KIF2C: variants seen among roughly 807,000 people sequenced by gnomAD.
The protein encoded by KIF2C is kinesin-like protein KIF2C.
In KIF2C, 34 loss-of-function variants were observed where a neutral mutation model predicts 97.4. The observed-to-expected ratio is 0.35, with a 90% CI of 0.27 to 0.46. KIF2C has a LOEUF of 0.46. Ranked by LOEUF, KIF2C falls within the 20% of genes least tolerant of loss-of-function variation. The pLI, the probability that KIF2C is intolerant of heterozygous loss-of-function variation, is 1.00. For synonymous variants in KIF2C, 313 were observed against 318.2 expected, an observed-to-expected ratio of 0.98 and a Z score of 0.17; for missense variants, 750 against 907.6, an observed-to-expected ratio of 0.83 and a Z score of 2.23.
chr1:44,765,337 A>G (rs1472494999), intron 19 of KIF2C, among the ~76,000 whole-genome samples: 3 of 152,216 alleles, frequency 2.0e-5, no homozygotes, highest in Non-Finnish European at 4.4e-5. Context: ...TAGGGATAGC[A>G]TTAGGAGATA....
At chr1:44,758,640 C>T (rs373008946) in intron 13 of KIF2C, among the ~76,000 whole-genome samples, 1 of 151,954 alleles carries the variant, frequency 6.6e-6, no homozygotes, top group Admixed American at 6.6e-5. Flanking sequence ...TTTGGGAGGC[C>T]GAGGCGGGCA....
chr1:44,760,404 C>G lies in KIF2C; in HGVS notation c.1492C>G (p.Arg498Gly), dbSNP rs1650076550. The change falls in exon 15 of 21, where the codon CGA becomes GGA. Residue 498 changes from arginine to glycine, a missense_variant. Coordinates refer to ENST00000372224, the MANE Select transcript of KIF2C (RefSeq NM_006845.4). The surrounding 1 kb of genome is among the most constrained non-coding windows in gnomAD (Gnocchi z 4.2). ...FSLVDLAGNE[R>G]GADTSSADRQ... is the part of the protein sequence containing the mutation. ...TTTGGTAGATCTGGCAGGGAATGAG[C>G]GAGGCGCGGACACTTCCAGTGCTGA... 1.4e-5 allele frequency: 22 copies of G among 1,614,076 alleles called. No homozygotes were observed. Among genetic ancestry groups the G allele is most frequent in the Non-Finnish European group, 1.8e-5 (21 of 1,180,036 alleles).
intron 5 of KIF2C, among the ~76,000 whole-genome samples, chr1:44,752,036 G>A (rs1557593701): frequency 6.7e-6 from 1 of 150,368 alleles, no homozygotes; most frequent in Admixed American, 6.6e-5. Flanking sequence ...TGGCCAGGCT[G>A]ATCTCAAACT....
intron 10 of KIF2C, among the ~76,000 whole-genome samples, chr1:44,757,072 C>T (rs995775736): frequency 4.6e-5 from 7 of 151,870 alleles, no homozygotes; most frequent in African/African-American, 1.7e-4. Flanking sequence ...CACGTGCCAC[C>T]ACACCTGGCT....
At chr1:44,765,199 A>G (rs1455839697) in intron 19 of KIF2C, among the ~76,000 whole-genome samples, 1 of 152,144 alleles carries the variant, frequency 6.6e-6, no homozygotes, top group Non-Finnish European at 1.5e-5. Context: ...CAAGGAAGGA[A>G]GATCACTTGA....
In KIF2C at chr1:44,748,826, C is replaced by T. The variant is rs535213077; in HGVS notation, c.316+1126C>T. The stretch of plus-strand genomic sequence containing the variant: ...CCTCCTAAAGTGCTAGGATTGCAGG[C>T]GCGAGCCACCATGCCCAGCCAATAG... On this transcript the variant is annotated intron_variant, in intron 4 of 20. Transcript: ENST00000372224. Among the ~76,000 whole-genome samples, 32 of 150,644 alleles carry T rather than the reference C, an allele frequency of 2.1e-4. No homozygotes were observed. In the South Asian group the frequency reaches 3.6e-3, roughly 17 times the overall value.
At position 44,760,705 on chromosome 1, in the gene KIF2C, G is replaced by A. The variant is rs1392348966; in HGVS notation, c.1683+3G>A. 1.2e-6 allele frequency: 2 copies of A among 1,607,708 alleles called. No homozygotes were observed. Among genetic ancestry groups the A allele is most frequent in the South Asian group, 2.2e-5 (2 of 90,900 alleles). ...GGGAGAACTCTAGGACTTGCATGGT[G>A]AGTAGGGTCACTTTGAAGGTGATGG... is the stretch of plus-strand genomic sequence containing the variant. On this transcript the variant is annotated splice_donor_region_variant and intron_variant, in intron 16 of 20. Transcript: ENST00000372224. This position sits in a 1 kb window ranked among gnomAD's most constrained non-coding sequence, Gnocchi z 4.2.
intron 4 of KIF2C, among the ~76,000 whole-genome samples, chr1:44,748,432 T>C (rs1649333916): frequency 6.6e-6 from 1 of 152,176 alleles, no homozygotes; most frequent in Non-Finnish European, 1.5e-5. Context: ...CTGACTATTG[T>C]GGTGCTGGCC....
intron 19 of KIF2C, among the ~76,000 whole-genome samples, chr1:44,764,530 A>G (rs921219303): frequency 1.4e-5 from 2 of 146,514 alleles, no homozygotes; most frequent in Admixed American, 1.4e-4. Flanking sequence ...TTGGGGGGGG[A>G]TGGAGTTTCG....
Position 44,762,610 on chromosome 1 carries a change from C to T in KIF2C, c.1923C>T (p.Ile641=), listed in dbSNP as rs1380334797. The T allele has an allele frequency of 6.2e-7, 1 of 1,614,112 alleles. No homozygotes were observed. The highest frequency in any genetic ancestry group is 8.5e-7 in the Non-Finnish European group (1 of 1,180,004). Residue 641 remains isoleucine, a synonymous_variant, in exon 19 of 21, where the codon ATC becomes ATT. Coordinates refer to ENST00000372224, the MANE Select transcript of KIF2C (RefSeq NM_006845.4). The part of the protein sequence containing the change: ...MSSFNEAMTQ[I]RELEEKAMEE... Reference sequence around the variant, plus strand: ...GCTTTAACGAAGCCATGACTCAGATCAGGGAGCTGGAGGAGAAGGCTATGG... The same window carrying T: ...GCTTTAACGAAGCCATGACTCAGATTAGGGAGCTGGAGGAGAAGGCTATGG...
chr1:44,754,508 G>T (rs1649710620), intron 7 of KIF2C, among the ~76,000 whole-genome samples: 1 of 152,126 alleles, frequency 6.6e-6, no homozygotes, highest in Non-Finnish European at 1.5e-5. Flanking sequence ...CCGATCTGCT[G>T]TGCCTCCTAA....
chr1:44,766,772 A>C (rs1324270109), intron 19 of KIF2C, 54 bp from the exon 20 acceptor site: 9 of 1,597,732 alleles, frequency 5.6e-6, no homozygotes, highest in Non-Finnish European at 7.7e-6. Context: ...GTAGGACCCC[A>C]GGAATGATTT....
At chr1:44,755,808 T>C in intron 8 of KIF2C, 121 bp from the exon 9 acceptor site, 1 of 814,200 alleles carries the variant, frequency 1.2e-6, no homozygotes, top group Non-Finnish European at 2.1e-6. Flanking sequence ...GTCCTAGTGT[T>C]AGATCTTGGC....
At chr1:44,744,757 G>A (rs1039254440) in intron 2 of KIF2C, among the ~76,000 whole-genome samples, 5 of 151,918 alleles carry the variant, frequency 3.3e-5, no homozygotes, top group Admixed American at 6.6e-5. Flanking sequence ...AAACTTAGCC[G>A]GATGTGGTGG....
At chr1:44,745,464 CTTTTTTTTTTTT>C (rs869293971) in intron 2 of KIF2C, among the ~76,000 whole-genome samples, 2 of 38,354 alleles carry the variant, frequency 5.2e-5, no homozygotes, top group African/African-American at 2.3e-4. Context: ...TTGTATATGT[CTTTTTTTTTTTT>C]TTTTTTTTTT....
At chr1:44,766,177 G>T (rs1000155121) in intron 19 of KIF2C, among the ~76,000 whole-genome samples, 1 of 152,106 alleles carries the variant, frequency 6.6e-6, no homozygotes, top group Non-Finnish European at 1.5e-5. Flanking sequence ...AGTGAGCCAG[G>T]ATCGCACACC....
intron 7 of KIF2C, among the ~76,000 whole-genome samples, chr1:44,754,381 G>A (rs1444718397): frequency 6.6e-6 from 1 of 152,180 alleles, no homozygotes; most frequent in East Asian, 1.9e-4. Context: ...GTGATGGCCA[G>A]AGGGGCTGCA....
chr1:44,767,013 C>A, intron 20 of KIF2C, 64 bp downstream of exon 20: 1 of 1,610,746 alleles, frequency 6.2e-7, no homozygotes, highest in East Asian at 2.2e-5. Flanking sequence ...TGGGCAGCTG[C>A]AGGTGATGGC....
Position 44,753,958 on chromosome 1 carries a change from CTTTTTTTTTT to C in KIF2C, c.663+143_663+152del, listed in dbSNP as rs34685023. The C allele has an allele frequency of 9.3e-4, 63 of 67,912 alleles. 1 individual carries two copies. The highest frequency in any genetic ancestry group is 2.4e-3 in the East Asian group (6 of 2,550). 4.2% of individuals were successfully genotyped at this position (67,912 alleles called of 1,614,324 possible). A position where few individuals can be genotyped will look rare whatever the true frequency, so the allele number is the denominator to read the frequency against. On this transcript the variant is annotated intron_variant, in intron 7 of 20. Coordinates refer to ENST00000372224, the MANE Select transcript of KIF2C (RefSeq NM_006845.4). ...GGCTCCAGTTCTTGAGGCCCCAATT[CTTTTTTTTTT>C]TTTTTTTTTTTTTTTTTGCTCTGTT...
Sources: allele counts gnomAD v4.1 joint callset (sites outside exome capture counted in the v4.1 genomes callset), GRCh38; gene constraint gnomAD v4.1.1; non-coding constraint Gnocchi (gnomAD v3.1); transcripts MANE v1.5; gene names NCBI Gene and HGNC (gene_info 2026-07-23, HGNC 2026-07-21).